Variants in ST8SIA2 observed in about 807,000 individuals in gnomAD.
ST8SIA2 encodes the protein ST8 alpha-N-acetyl-neuraminide alpha-2,8-sialyltransferase 2.
A neutral mutation model predicts 37.6 loss-of-function variants in ST8SIA2; 22 were observed. That is an observed-to-expected ratio of 0.58 (90% confidence interval 0.42 to 0.83). The LOEUF (loss-of-function observed/expected upper bound fraction) is 0.83. ST8SIA2 is among the 40% of genes least tolerant of loss of function. The pLI is 0.00. For missense variants in ST8SIA2, 382 were observed against 484.7 expected (o/e 0.79, Z 1.99); for synonymous variants, 205 against 201.2 (o/e 1.02, Z -0.16).
Position 92,468,308 on chromosome 15 carries a change from T to G in ST8SIA2, c.*3923T>G, listed in dbSNP as rs1403396709. 6.5e-6 allele frequency: 1 copy of G among 152,722 alleles called. No individual in the cohort carries two copies. The highest frequency in any genetic ancestry group is 1.9e-4 in the East Asian group (1 of 5,196). The allele number at this position is 152,722 out of a possible 1,614,324, so 9.5% of individuals were successfully genotyped here. A position where few individuals can be genotyped will look rare whatever the true frequency, so the allele number is the denominator to read the frequency against. ...CAGACCACCGGATAAGGCCCCATTC[T>G]TCCTTTACACCCTCCCCTGGTCAGC... On this transcript the variant is annotated 3_prime_UTR_variant, in exon 6 of 6. Transcript: ENST00000268164.
intron 1 of ST8SIA2, among the ~76,000 whole-genome samples, chr15:92,410,516 G>A (rs2049541144): frequency 6.6e-6 from 1 of 152,198 alleles, no homozygotes; most frequent in Non-Finnish European, 1.5e-5. Flanking sequence ...AGCAGGATTG[G>A]TGTTCCCGTC....
At chr15:92,407,136 G>T (rs2049514252) in intron 1 of ST8SIA2, among the ~76,000 whole-genome samples, 1 of 152,062 alleles carries the variant, frequency 6.6e-6, no homozygotes, top group African/African-American at 2.4e-5. Flanking sequence ...TAAAACCCCT[G>T]CAACACCCAT....
intron 5 of ST8SIA2, among the ~76,000 whole-genome samples, chr15:92,459,065 A>G (rs2049939700): frequency 6.6e-6 from 1 of 152,192 alleles, no homozygotes; most frequent in African/African-American, 2.4e-5. Context: ...CACACGCCTG[A>G]GTAACCTCAG....
At chr15:92,459,273 G>A (rs545828918) in intron 5 of ST8SIA2, among the ~76,000 whole-genome samples, 1 of 152,112 alleles carries the variant, frequency 6.6e-6, no homozygotes, top group Non-Finnish European at 1.5e-5. Flanking sequence ...AGTAAACATC[G>A]GGGTGATGTT....
At chr15:92,398,121 G>A (rs537507065) in intron 1 of ST8SIA2, among the ~76,000 whole-genome samples, 4 of 152,220 alleles carry the variant, frequency 2.6e-5, no homozygotes, top group Admixed American at 6.5e-5. Context: ...GCGACAGAGC[G>A]AGACTCCATC....
chr15:92,428,696 A>C (rs1177245553), intron 1 of ST8SIA2, among the ~76,000 whole-genome samples: 1 of 152,228 alleles, frequency 6.6e-6, no homozygotes, highest in Non-Finnish European at 1.5e-5. Flanking sequence ...AGGGACAAAA[A>C]TAAATATTAG....
intron 2 of ST8SIA2, among the ~76,000 whole-genome samples, chr15:92,431,176 T>C (rs1394260752): frequency 6.6e-6 from 1 of 152,156 alleles, no homozygotes; most frequent in African/African-American, 2.4e-5. Flanking sequence ...TATTATGAAA[T>C]GATGCCCCAT....
chr15:92,459,433 G>C, intron 5 of ST8SIA2, among the ~76,000 whole-genome samples: 1 of 152,118 alleles, frequency 6.6e-6, no homozygotes, highest in Non-Finnish European at 1.5e-5. Flanking sequence ...TCCAAACTCT[G>C]TCTAACCAGC....
chr15:92,464,001 A>C, intron 5 of ST8SIA2, 99 bp from the exon 6 acceptor site: 1 of 1,479,442 alleles, frequency 6.8e-7, no homozygotes, highest in East Asian at 2.5e-5. Flanking sequence ...GAGTGGCAGA[A>C]GGCAGGCTGC....
intron 1 of ST8SIA2, among the ~76,000 whole-genome samples, chr15:92,403,250 C>T (rs1334578289): frequency 6.6e-6 from 1 of 152,170 alleles, no homozygotes; most frequent in Non-Finnish European, 1.5e-5. Context: ...TGGGATTCCA[C>T]CCAGGTTTGC....
Position 92,393,965 on chromosome 15 carries a change from G to A in ST8SIA2, c.-100G>A. On this transcript the variant is annotated 5_prime_UTR_variant, in exon 1 of 6. Transcript: ENST00000268164. ...GTCCGGAGCGCAGGGTGTCTGCCCAGCTGCGCGCGGCGCGCGGAGGCTCCG... is the reference window on the plus strand; with the variant it reads ...GTCCGGAGCGCAGGGTGTCTGCCCAACTGCGCGCGGCGCGCGGAGGCTCCG... 1 of 727,330 alleles carries A rather than the reference G, an allele frequency of 1.4e-6. No individual in the cohort carries two copies. The highest frequency in any genetic ancestry group is 2.0e-6 in the Non-Finnish European group (1 of 512,388). 45.1% of individuals were successfully genotyped at this position (727,330 alleles called of 1,614,324 possible). A position where few individuals can be genotyped will look rare whatever the true frequency, so the allele number is the denominator to read the frequency against.
At chr15:92,433,853 T>C (rs2049734881) in intron 2 of ST8SIA2, among the ~76,000 whole-genome samples, 1 of 152,248 alleles carries the variant, frequency 6.6e-6, no homozygotes, top group African/African-American at 2.4e-5. Context: ...TTGTTTTCTC[T>C]TTTAAGTTTG....
rs1166322726 is a variant in ST8SIA2 at position 92,467,549 on chromosome 15, A to G, written c.*3164A>G. The G allele has an allele frequency of 6.6e-6, 1 of 152,630 alleles. No individual in the cohort carries two copies. The highest frequency in any genetic ancestry group is 2.4e-5 in the African/African-American group (1 of 41,454). The allele number at this position is 152,630 out of a possible 1,614,324, so 9.5% of individuals were successfully genotyped here. A position where few individuals can be genotyped will look rare whatever the true frequency, so the allele number is the denominator to read the frequency against. On this transcript the variant is annotated 3_prime_UTR_variant, in exon 6 of 6. Transcript: ENST00000268164. ...CTGGCCCCTCGGCACCCAGAATGCC[A>G]CATTCTTGTGTTTTTTTCCTCCTTC...
chr15:92,454,028 A>AC (rs949511433), intron 5 of ST8SIA2, among the ~76,000 whole-genome samples: 11 of 152,126 alleles, frequency 7.2e-5, no homozygotes, highest in Non-Finnish European at 1.0e-4. Context: ...GCAGCAGCGA[A>AC]CCCCCCATTA....
At chr15:92,399,227 G>C (rs900573204) in intron 1 of ST8SIA2, among the ~76,000 whole-genome samples, 5 of 152,186 alleles carry the variant, frequency 3.3e-5, no homozygotes, top group African/African-American at 1.2e-4. Flanking sequence ...TGTATATTTG[G>C]GCATCTAGGT....
intron 1 of ST8SIA2, among the ~76,000 whole-genome samples, chr15:92,404,922 G>T (rs2049496964): frequency 1.3e-5 from 2 of 151,862 alleles, no homozygotes; most frequent in African/African-American, 4.8e-5. Flanking sequence ...GTAGCTAAAA[G>T]GTGGAAGCAA....
chr15:92,435,066 G>C (rs1256074418), intron 3 of ST8SIA2, among the ~76,000 whole-genome samples: 2 of 152,160 alleles, frequency 1.3e-5, no homozygotes, highest in African/African-American at 2.4e-5. Flanking sequence ...AGCCATGATT[G>C]ACCCAGCAAA....
intron 5 of ST8SIA2, among the ~76,000 whole-genome samples, chr15:92,451,353 T>A (rs1348362763): frequency 6.6e-6 from 1 of 152,152 alleles, no homozygotes; most frequent in Non-Finnish European, 1.5e-5. Context: ...GTGCACACAC[T>A]GCAGTTGTTC....
In ST8SIA2 at chr15:92,464,194, T is replaced by A. The variant is rs761487547; in HGVS notation, c.937T>A (p.Tyr313Asn). 6.3e-7 allele frequency: 1 copy of A among 1,584,776 alleles called. No individual in the cohort carries two copies. Among genetic ancestry groups the A allele is most frequent in the Non-Finnish European group, 8.6e-7 (1 of 1,161,914 alleles). The change falls in exon 6 of 6, where the codon TAC becomes AAC. Residue 313 changes from tyrosine (Y) to asparagine (N), a missense_variant. Transcript: ENST00000268164. The stretch of plus-strand genomic sequence containing the variant: ...ACGTTTCTGCAAACAAATCTACCTC[T>A]ACGGCTTCTGGCCCTTTCCGCTGGA... ...ATRFCKQIYL[Y>N]GFWPFPLDQN...
Sources: gnomAD v4.1 joint callset for allele counts (sites outside exome capture counted in the v4.1 genomes callset) on GRCh38, gnomAD v4.1.1 for gene constraint, MANE v1.5 for transcripts, NCBI Gene and HGNC (gene_info 2026-07-23, HGNC 2026-07-21) for gene names.